Variants in ADAM2 observed in about 807,000 individuals in gnomAD.
ADAM2 encodes the protein ADAM metallopeptidase domain 2.
In ADAM2, 101 loss-of-function variants were observed where a neutral mutation model predicts 99.3. That is an observed-to-expected ratio of 1.02 (90% CI 0.87 to 1.20). The LOEUF is 1.20. ADAM2 is among the 50% of genes most tolerant of loss of function. ADAM2 has a pLI of 0.00. For missense variants in ADAM2, 948 were observed against 878.7 expected (o/e 1.08, Z -1.00); for synonymous variants, 323 against 287.6 (o/e 1.12, Z -1.25).
At chr8:39,802,617 A>G (rs945041052) in intron 7 of ADAM2, among the ~76,000 whole-genome samples, 1 of 152,154 alleles carries the variant, frequency 6.6e-6, no homozygotes, top group East Asian at 1.9e-4. Flanking sequence ...AACTACCTTT[A>G]TTACTGGAGC....
intron 11 of ADAM2, among the ~76,000 whole-genome samples, chr8:39,771,039 C>G (rs746606234): frequency 2.0e-5 from 3 of 152,132 alleles, no homozygotes; most frequent in Non-Finnish European, 2.9e-5. Context: ...TTAAATTCAC[C>G]TATAGTTACT....
At chr8:39,795,089 G>A (rs1803882874) in intron 7 of ADAM2, among the ~76,000 whole-genome samples, 1 of 151,900 alleles carries the variant, frequency 6.6e-6, no homozygotes. Flanking sequence ...CACTTTTAAA[G>A]TTTTGCTAAG....
At chr8:39,783,122 C>T (rs535578402) in intron 10 of ADAM2, among the ~76,000 whole-genome samples, 40 of 152,142 alleles carry the variant, frequency 2.6e-4, no homozygotes, top group South Asian at 6.2e-4. Flanking sequence ...GCAAATCTTT[C>T]GAGATTTTTA....
chr8:39,775,903 A>G (rs933343107), intron 11 of ADAM2, among the ~76,000 whole-genome samples: 1 of 152,072 alleles, frequency 6.6e-6, no homozygotes, highest in African/African-American at 2.4e-5. Context: ...CTTCAATAAC[A>G]TAGCAACTTA....
chr8:39,822,285 T>C (rs1805222600), intron 4 of ADAM2, among the ~76,000 whole-genome samples: 1 of 152,208 alleles, frequency 6.6e-6, no homozygotes, highest in Admixed American at 6.5e-5. Context: ...CTTCCAGATG[T>C]GGTTTATAAT....
intron 3 of ADAM2, among the ~76,000 whole-genome samples, chr8:39,826,217 G>T (rs529815486): frequency 6.6e-6 from 1 of 152,078 alleles, no homozygotes; most frequent in African/African-American, 2.4e-5. Context: ...AACCAAAAGA[G>T]CATAGTACTG....
chr8:39,835,498 C>G (rs1051246806), intron 2 of ADAM2, among the ~76,000 whole-genome samples: 2 of 151,968 alleles, frequency 1.3e-5, no homozygotes, highest in East Asian at 3.9e-4. Flanking sequence ...TCCTGACCAA[C>G]GGTGAAACCC....
intron 19 of ADAM2, 114 bp downstream of exon 19, chr8:39,746,358 C>G: frequency 1.3e-6 from 1 of 755,016 alleles, no homozygotes; most frequent in South Asian, 2.3e-5. Context: ...TATTAAATTC[C>G]CATATAAAGA....
chr8:39,770,357 G>A lies in ADAM2; in HGVS notation c.1029-782C>T, dbSNP rs1277006618. Among the ~76,000 whole-genome samples, 7 of 152,104 alleles carry A rather than the reference G, an allele frequency of 4.6e-5. No individual in the cohort carries two copies. The South Asian group carries it at 6.2e-4, about 14-fold the overall frequency. On this transcript the variant is annotated intron_variant, in intron 11 of 20. Coordinates refer to ENST00000265708, the MANE Select transcript of ADAM2 (RefSeq NM_001464.5). ...TAGCTCCGATATTTGTTTCTCTGGCGTTATCACCTGAACTCAAGTCCAGAG... is the reference window on the plus strand; with the variant it reads ...TAGCTCCGATATTTGTTTCTCTGGCATTATCACCTGAACTCAAGTCCAGAG...
chr8:39,822,808 C>T (rs1275226328), intron 4 of ADAM2, among the ~76,000 whole-genome samples: 4 of 151,000 alleles, frequency 2.6e-5, no homozygotes, highest in Admixed American at 1.3e-4. Context: ...CTTGCTCTGT[C>T]GCCAGGCTGG....
At chr8:39,759,226 G>C (rs929677058) in intron 15 of ADAM2, among the ~76,000 whole-genome samples, 1 of 151,384 alleles carries the variant, frequency 6.6e-6, no homozygotes, top group Non-Finnish European at 1.5e-5. Context: ...AAAAATCCAG[G>C]GTACAACAAC....
At chr8:39,812,377 T>C (rs1586142017) in intron 6 of ADAM2, among the ~76,000 whole-genome samples, 1 of 152,050 alleles carries the variant, frequency 6.6e-6, no homozygotes. Flanking sequence ...TTCAATGCCA[T>C]CCCCATCAAG....
Position 39,825,668 on chromosome 8 carries a change from T to C in ADAM2, c.189-771A>G, listed in dbSNP as rs952147798. 2.0e-5 allele frequency among the ~76,000 whole-genome samples: 3 copies of C among 151,984 alleles called. No homozygotes were observed. The East Asian group carries it at 5.8e-4, about 29-fold the overall frequency. On this transcript the variant is annotated intron_variant, in intron 3 of 20. Transcript: ENST00000265708. Reference sequence around the variant, plus strand: ...AGCCCAGATGAACTTTAAAGATCTTTAAAGTTTCAAGAAAAAAGGATGTTA... The same window carrying C: ...AGCCCAGATGAACTTTAAAGATCTTCAAAGTTTCAAGAAAAAAGGATGTTA...
At chr8:39,832,807 G>T (rs148568159) in intron 3 of ADAM2, among the ~76,000 whole-genome samples, 1 of 144,822 alleles carries the variant, frequency 6.9e-6, no homozygotes, top group African/African-American at 2.6e-5. Context: ...CCTTTTCACC[G>T]CTTGTGTGCA....
intron 1 of ADAM2, among the ~76,000 whole-genome samples, chr8:39,837,666 T>C (rs551605622): frequency 2.2e-4 from 34 of 152,258 alleles, no homozygotes; most frequent in Admixed American, 9.2e-4. Flanking sequence ...ATTACAGGCA[T>C]GAGCCACCGT....
chr8:39,784,784 A>G (rs1803389135), intron 10 of ADAM2, among the ~76,000 whole-genome samples: 1 of 152,190 alleles, frequency 6.6e-6, no homozygotes, highest in Non-Finnish European at 1.5e-5. Context: ...AAACTTGTTC[A>G]TAAATATTGA....
At chr8:39,775,467 T>G (rs544345390) in intron 11 of ADAM2, among the ~76,000 whole-genome samples, 108 of 151,522 alleles carry the variant, frequency 7.1e-4, no homozygotes, top group Non-Finnish European at 1.2e-3. Flanking sequence ...TCTCTGGCAC[T>G]TCTCTCATAC....
intron 18 of ADAM2, among the ~76,000 whole-genome samples, chr8:39,748,237 AG>A (rs2129582670): frequency 6.6e-6 from 1 of 152,304 alleles, no homozygotes; most frequent in East Asian, 1.9e-4. Context: ...GAAGACCACG[AG>A]AGTCCTAGAA....
chr8:39,794,847 T>C (rs1015075890), intron 7 of ADAM2, among the ~76,000 whole-genome samples: 1 of 152,054 alleles, frequency 6.6e-6, no homozygotes, highest in Non-Finnish European at 1.5e-5. Flanking sequence ...ACCGCTTCCT[T>C]CTTTAACTCG....
Sources: allele counts gnomAD v4.1 joint callset (sites outside exome capture counted in the v4.1 genomes callset), GRCh38; gene constraint gnomAD v4.1.1; transcripts MANE v1.5; gene names NCBI Gene and HGNC (gene_info 2026-07-23, HGNC 2026-07-21).